The following CTSV variants were observed in gnomAD, a reference collection of about 807,000 sequenced individuals.
CTSV encodes the protein cathepsin V, also known as cathepsin L2.
A neutral mutation model predicts 35.6 loss-of-function variants in CTSV; 33 were observed. That is an observed-to-expected ratio of 0.93 (90% CI 0.70 to 1.24). The LOEUF is 1.24. Ranked by LOEUF, CTSV falls within the 50% of genes most tolerant of loss-of-function variation. CTSV has a pLI of 0.00. For synonymous variants in CTSV, 154 were observed against 147.1 expected, an observed-to-expected ratio of 1.05 and a Z score of -0.34; for missense variants, 408 against 413.1, an observed-to-expected ratio of 0.99 and a Z score of 0.11.
At chr9:97,038,110 C>A in intron 1 of CTSV, 57 bp from the exon 2 acceptor site, 1 of 1,522,426 alleles carries the variant, frequency 6.6e-7, no homozygotes, top group Non-Finnish European at 9.0e-7. Context: ...AGCCATCTTA[C>A]AGCCCCCGTG....
In CTSV at chr9:97,038,284, G is replaced by A. The variant is rs377116366; in HGVS notation, c.-10-231C>T. On this transcript the variant is annotated intron_variant, in intron 1 of 7. Transcript: ENST00000259470. The stretch of plus-strand genomic sequence containing the variant: ...ATGCGATAATTTAGGGTATGAGAAG[G>A]GTGTGAAAGATACCTGACGGGTGAG... The A allele has an allele frequency of 7.4e-6, 3 of 403,096 alleles. No individual in the cohort carries two copies. In the South Asian group the frequency reaches 9.3e-5, roughly 12 times the overall value. The allele number at this position is 403,096 out of a possible 1,614,324, so 25.0% of individuals were successfully genotyped here.
chr9:97,036,301 G>A, intron 5 of CTSV: 1 of 564,438 alleles, frequency 1.8e-6, no homozygotes, highest in Non-Finnish European at 3.2e-6. Context: ...TTGATCTCCT[G>A]ACCTCGTGAT....
chr9:97,036,307 G>A (rs554008166), intron 5 of CTSV: 42 of 573,414 alleles, frequency 7.3e-5, no homozygotes, highest in African/African-American at 5.4e-4. Flanking sequence ...TCCTGACCTC[G>A]TGATCCGCCT....
At chr9:97,038,093 C>A (rs769133218) in intron 1 of CTSV, 40 bp from the exon 2 acceptor site, 3 of 1,578,654 alleles carry the variant, frequency 1.9e-6, no homozygotes, top group Non-Finnish European at 2.6e-6. Context: ...TTAGACCAAT[C>A]CTAAAAAGCC....
Position 97,037,981 on chromosome 9 carries a change from A to T in CTSV, c.63T>A (p.Phe21Leu). The T allele has an allele frequency of 6.2e-7, 1 of 1,614,082 alleles. No individual in the cohort carries two copies. The highest frequency in any genetic ancestry group is 8.5e-7 in the Non-Finnish European group (1 of 1,180,014). ...CLGIASAVPK[F>L]DQNLDTKWYQ... ...ACCACTTTGTATCCAAATTTTGGTC[A>T]AATTTTGGAACAGCGGAGGCTATTC... Residue 21 changes from phenylalanine (F) to leucine (L), a missense_variant, in exon 2 of 8, where the codon TTT becomes TTA. Physicochemically the swap from Phe to Leu is conservative, Grantham distance 22. Coordinates refer to ENST00000259470, the MANE Select transcript of CTSV (RefSeq NM_001333.4).
intron 6 of CTSV, 132 bp downstream of exon 6, chr9:97,035,396 T>C: frequency 3.2e-6 from 2 of 631,188 alleles, no homozygotes; most frequent in Non-Finnish European, 4.7e-6. Context: ...TCATGTCAAA[T>C]GCAAACATCA....
chr9:97,037,526 G>A lies in CTSV; in HGVS notation c.216C>T (p.Gly72=). 1.9e-6 allele frequency: 3 copies of A among 1,614,186 alleles called. No homozygotes were observed. Among genetic ancestry groups the A allele is most frequent in the Non-Finnish European group, 2.5e-6 (3 of 1,180,026 alleles). The part of the protein sequence containing the change: ...HNGEYSQGKH[G]FTMAMNAFGD... ...CAAAAGCATTCATGGCCATTGTGAA[G>A]CCATGTTTCCCTTGGCTGTATTCCC... is the stretch of plus-strand genomic sequence containing the variant. Residue 72 remains glycine (G), a synonymous_variant, in exon 3 of 8, where the codon GGC becomes GGT. Transcript: ENST00000259470.
intron 6 of CTSV, among the ~76,000 whole-genome samples, 198 bp downstream of exon 6, chr9:97,035,330 A>G (rs1828827199): frequency 6.6e-6 from 1 of 152,248 alleles, no homozygotes; most frequent in South Asian, 2.1e-4. Flanking sequence ...GTCTCTATAC[A>G]ATTACATAGC....
In CTSV at chr9:97,032,990, G is replaced by A; in HGVS notation, c.964C>T (p.His322Tyr). 1.2e-6 allele frequency: 2 copies of A among 1,613,484 alleles called. No individual in the cohort carries two copies. The highest frequency in any genetic ancestry group is 1.1e-5 in the South Asian group (1 of 91,002). The change falls in exon 8 of 8, where the codon CAC becomes TAC. Residue 322 changes from histidine (H) to tyrosine (Y), a missense_variant. By Grantham distance (83) the His-to-Tyr change is moderately conservative. Coordinates refer to ENST00000259470, the MANE Select transcript of CTSV (RefSeq NM_001333.4). ...CTGGCTGCTGTGGCGATTCCACAGT[G>A]GTTGTTCTTGTCTTTGGCTATTTTT... ...YVKIAKDKNN[H>Y]CGIATAASYP...
In CTSV at chr9:97,037,519, T is replaced by C. The variant is rs1454159871; in HGVS notation, c.223A>G (p.Met75Val). 2.5e-6 allele frequency: 4 copies of C among 1,614,082 alleles called. No homozygotes were observed. The highest frequency in any genetic ancestry group is 2.7e-5 in the African/African-American group (2 of 74,928). The change falls in exon 3 of 8, where the codon ATG (methionine) becomes GTG (valine). Residue 75 changes from methionine to valine, a missense_variant. Physicochemically the swap from Met to Val is conservative, Grantham distance 21 (BLOSUM62 1). Coordinates refer to ENST00000259470, the MANE Select transcript of CTSV (RefSeq NM_001333.4). ...EYSQGKHGFT[M>V]AMNAFGDMTN... ...ATGTCACCAAAAGCATTCATGGCCATTGTGAAGCCATGTTTCCCTTGGCTG... is the reference window on the plus strand; with the variant it reads ...ATGTCACCAAAAGCATTCATGGCCACTGTGAAGCCATGTTTCCCTTGGCTG...
upstream of CTSV, chr9:97,039,615 T>G (rs1248897526): frequency 6.6e-6 from 1 of 151,902 alleles, no homozygotes; most frequent in Non-Finnish European, 1.5e-5. Flanking sequence ...ACCTTCCACT[T>G]AAGGGTGGGT....
chr9:97,039,591 C>A (rs1265270192), upstream of CTSV: 1 of 152,038 alleles, frequency 6.6e-6, no homozygotes, highest in African/African-American at 2.4e-5. Context: ...CGCACAGCCC[C>A]CAGCAGAAGC....
rs1394010665 is a variant in CTSV, at chr9:97,030,803, C to CCGGTAAACCTTCAGCATGG, written c.*2127_*2145dup. On this transcript the variant is annotated 3_prime_UTR_variant, in exon 8 of 8. Transcript: ENST00000259470. Reference sequence around the variant, plus strand: ...GGTCCAGGTGTTCCTTGCTCTCATTCCGGTAAACCTTCAGCATGGCGTCAT... The same window carrying CCGGTAAACCTTCAGCATGG: ...GGTCCAGGTGTTCCTTGCTCTCATTCCGGTAAACCTTCAGCATGGCGGTAAACCTTCAGCATGGCGTCAT... The CCGGTAAACCTTCAGCATGG allele has an allele frequency of 6.6e-6, 1 of 152,140 alleles. No homozygotes were observed. Among genetic ancestry groups the CCGGTAAACCTTCAGCATGG allele is most frequent in the South Asian group, 2.1e-4 (1 of 4,828 alleles). The allele number at this position is 152,140 out of a possible 1,614,324, so 9.4% of individuals were successfully genotyped here. A position where few individuals can be genotyped will look rare whatever the true frequency, so the allele number is the denominator to read the frequency against.
chr9:97,035,462 T>A (rs1351275856), intron 6 of CTSV, 66 bp downstream of exon 6: 2 of 1,287,750 alleles, frequency 1.6e-6, no homozygotes, highest in Admixed American at 2.9e-5. Flanking sequence ...GGATGTCATA[T>A]CCAAGAATCA....
In CTSV at chr9:97,032,958, G is replaced by A. The variant is rs376239775; in HGVS notation, c.996C>T (p.Pro332=). The A allele has an allele frequency of 1.8e-5, 29 of 1,611,170 alleles. No homozygotes were observed. The highest frequency in any genetic ancestry group is 2.5e-5 in the Non-Finnish European group (29 of 1,178,514). ...HCGIATAASY[P]NV is the part of the protein sequence containing the mutation. ...CTCACCATCCATCAGCTCACACATTGGGGTAGCTGGCTGCTGTGGCGATTC... is the reference window on the plus strand; with the variant it reads ...CTCACCATCCATCAGCTCACACATTAGGGTAGCTGGCTGCTGTGGCGATTC... Residue 332 remains proline (P), a synonymous_variant, in exon 8 of 8, where the codon CCC becomes CCT. Coordinates refer to ENST00000259470, the MANE Select transcript of CTSV (RefSeq NM_001333.4).
intron 1 of CTSV, among the ~76,000 whole-genome samples, chr9:97,038,703 G>C (rs1828901197): frequency 6.6e-6 from 1 of 152,138 alleles, no homozygotes; most frequent in South Asian, 2.1e-4. Flanking sequence ...CCGGAGCTCC[G>C]GGCGGGCCAG....
intron 2 of CTSV, 53 bp downstream of exon 2, chr9:97,037,865 A>G (rs1356535511): frequency 1.4e-5 from 23 of 1,601,594 alleles, no homozygotes; most frequent in East Asian, 4.5e-5. Context: ...AACTCCCAAC[A>G]GCGAGGACCA....
chr9:97,035,975 T>G (rs193112165), intron 5 of CTSV, among the ~76,000 whole-genome samples: 13 of 152,344 alleles, frequency 8.5e-5, no homozygotes, highest in African/African-American at 3.1e-4. Flanking sequence ...CCATGTTATG[T>G]AAAAGCAAGA....
At position 97,032,570 on chromosome 9, in the gene CTSV, C is replaced by CCATT. The variant is rs1466677310; in HGVS notation, c.*375_*378dup. ...CTGCTAGCATCTTTCTCCTAACATA[C>CCATT]CATTGGCACATGAAGTTATTATTTC... On this transcript the variant is annotated 3_prime_UTR_variant, in exon 8 of 8. Coordinates refer to ENST00000259470, the MANE Select transcript of CTSV (RefSeq NM_001333.4). 6.2e-6 allele frequency: 1 copy of CCATT among 161,330 alleles called. No homozygotes were observed. Among genetic ancestry groups the CCATT allele is most frequent in the African/African-American group, 2.4e-5 (1 of 41,760 alleles). 10.0% of individuals were successfully genotyped at this position (161,330 alleles called of 1,614,324 possible). A position where few individuals can be genotyped will look rare whatever the true frequency, so the allele number is the denominator to read the frequency against.
Sources: allele counts gnomAD v4.1 joint callset (sites outside exome capture counted in the v4.1 genomes callset), GRCh38; gene constraint gnomAD v4.1.1; transcripts MANE v1.5; gene names NCBI Gene and HGNC (gene_info 2026-07-23, HGNC 2026-07-21).